ZNF536: variants seen among roughly 807,000 people sequenced by gnomAD.
The protein encoded by ZNF536 is zinc finger protein 536.
Under a neutral mutation model 84.5 loss-of-function variants are expected in ZNF536, and 13 were observed. That is an observed-to-expected ratio of 0.15 (90% CI 0.10 to 0.24). The LOEUF (loss-of-function observed/expected upper bound fraction) is 0.24. Among genes scored for constraint, ZNF536 ranks in the 10% least tolerant of loss-of-function variants. The pLI is 1.00. For missense variants in ZNF536, 1,536 were observed against 1,747.5 expected (o/e 0.88, Z 2.16); for synonymous variants, 811 against 742.5 (o/e 1.09, Z -1.50).
chr19:30,278,848 C>T (rs1469737112), intron 1 of ZNF536, among the ~76,000 whole-genome samples: 4 of 152,290 alleles, frequency 2.6e-5, no homozygotes, highest in African/African-American at 7.2e-5. Context: ...CTTGTCTGCT[C>T]CTTTCGTAGC....
At chr19:30,371,105 C>T (rs1462322892), upstream of ZNF536, among the ~76,000 whole-genome samples, 1 of 152,224 alleles carries the variant, frequency 6.6e-6, no homozygotes, top group African/African-American at 2.4e-5. Context: ...AGAATGCAGG[C>T]AGTGTCTGAA....
intron 1 of ZNF536, among the ~76,000 whole-genome samples, chr19:30,598,256 A>G (rs2047537198): frequency 6.6e-6 from 1 of 152,174 alleles, no homozygotes; most frequent in African/African-American, 2.4e-5. Flanking sequence ...CATCTGTGAG[A>G]GTAGCCTCCC....
At chr19:30,485,485 G>T (rs1352491032) in intron 2 of ZNF536, among the ~76,000 whole-genome samples, 2 of 152,102 alleles carry the variant, frequency 1.3e-5, no homozygotes, top group East Asian at 3.9e-4. Flanking sequence ...TCTCTTTCCT[G>T]TCACTATAGA....
At chr19:30,389,450 C>T (rs1234799610) in intron 1 of ZNF536, among the ~76,000 whole-genome samples, 1 of 152,174 alleles carries the variant, frequency 6.6e-6, no homozygotes, top group Non-Finnish European at 1.5e-5. Context: ...AAGATACATG[C>T]TCCTCACCCA....
At chr19:30,601,912 C>G (rs1183103463) in intron 1 of ZNF536, among the ~76,000 whole-genome samples, 1 of 152,170 alleles carries the variant, frequency 6.6e-6, no homozygotes, top group Non-Finnish European at 1.5e-5. Flanking sequence ...ACTTGCTAGC[C>G]AGGGTGAGAA....
intron 1 of ZNF536, among the ~76,000 whole-genome samples, chr19:30,642,882 A>C (rs1375360032): frequency 6.6e-6 from 1 of 152,096 alleles, no homozygotes; most frequent in Non-Finnish European, 1.5e-5. Context: ...GGGGGGTGAG[A>C]GCCCAGCTCC....
chr19:30,543,326 T>G lies in ZNF536; in HGVS notation c.2324-4617T>G, dbSNP rs542715397. On this transcript the variant is annotated intron_variant, in intron 3 of 4. Coordinates refer to ENST00000355537, the MANE Select transcript of ZNF536 (RefSeq NM_014717.3). ...TAGGACTCTTGACCCCCTGGAAACC[T>G]TGGGAGGCAGCCTGAGTGGTCCCCT... is the stretch of plus-strand genomic sequence containing the variant. Among the ~76,000 whole-genome samples the G allele has an allele frequency of 2.0e-5, 3 of 152,284 alleles. No individual in the cohort carries two copies. In the South Asian group the frequency reaches 6.2e-4, roughly 32 times the overall value.
At chr19:30,305,712 G>A (rs997510720) in intron 2 of ZNF536, among the ~76,000 whole-genome samples, 2 of 152,200 alleles carry the variant, frequency 1.3e-5, no homozygotes, top group African/African-American at 4.8e-5. Context: ...GGGTTTGGGA[G>A]CCCACTGTTC....
rs192949696 is a variant in ZNF536, at chr19:30,570,247, C to G, written c.169+20733C>G. Reference sequence around the variant, plus strand: ...GCATTTGGCGTGCCCCCTGGACACCCTCCCTCCACATCCTGTCACCTTCAG... The same window carrying G: ...GCATTTGGCGTGCCCCCTGGACACCGTCCCTCCACATCCTGTCACCTTCAG... On this transcript the variant is annotated intron_variant, in intron 1 of 1. Coordinates refer to the ZNF536 transcript ENST00000592773. 9.4e-4 allele frequency among the ~76,000 whole-genome samples: 143 copies of G among 152,288 alleles called. 1 individual carries two copies. Among genetic ancestry groups the G allele is most frequent in the African/African-American group, 3.1e-3 (129 of 41,556 alleles).
chr19:30,283,383 T>G (rs1410796695), intron 1 of ZNF536, among the ~76,000 whole-genome samples: 1 of 152,226 alleles, frequency 6.6e-6, no homozygotes, highest in East Asian at 1.9e-4. Context: ...GCTTTCCTTC[T>G]TGTCCTTTAT....
At chr19:30,396,986 C>T (rs1470851735) in intron 1 of ZNF536, among the ~76,000 whole-genome samples, 3 of 152,196 alleles carry the variant, frequency 2.0e-5, no homozygotes, top group African/African-American at 7.2e-5. Flanking sequence ...TCTTACACTC[C>T]AGCTTTTTGC....
At chr19:30,260,223 G>A (rs2025137082) in intron 1 of ZNF536, among the ~76,000 whole-genome samples, 1 of 152,198 alleles carries the variant, frequency 6.6e-6, no homozygotes, top group Non-Finnish European at 1.5e-5. Flanking sequence ...CCATCTCTCC[G>A]TACTGCAACA....
At chr19:30,706,749 A>T (rs2052251089) in intron 1 of ZNF536, among the ~76,000 whole-genome samples, 1 of 152,230 alleles carries the variant, frequency 6.6e-6, no homozygotes, top group Admixed American at 6.5e-5. Flanking sequence ...CTCCATCAAT[A>T]AATTATTGCC....
intron 1 of ZNF536, among the ~76,000 whole-genome samples, chr19:30,274,677 G>A (rs1426991098): frequency 2.0e-5 from 3 of 152,160 alleles, no homozygotes; most frequent in East Asian, 3.9e-4. Context: ...TGTGTGTCAC[G>A]GAGGTTTGGT....
At chr19:30,491,677 T>G (rs537213029) in intron 2 of ZNF536, among the ~76,000 whole-genome samples, 93 of 152,236 alleles carry the variant, frequency 6.1e-4, no homozygotes, top group African/African-American at 2.2e-3. Flanking sequence ...AACAAAAAAT[T>G]CTTTTGAAAT....
intron 1 of ZNF536, among the ~76,000 whole-genome samples, chr19:30,399,602 A>G (rs1220880831): frequency 6.6e-6 from 1 of 151,962 alleles, no homozygotes; most frequent in African/African-American, 2.4e-5. Context: ...ATAAGGTATA[A>G]GGAAGGAGTC....
At chr19:30,490,844 G>T (rs2054479485) in intron 2 of ZNF536, among the ~76,000 whole-genome samples, 1 of 152,210 alleles carries the variant, frequency 6.6e-6, no homozygotes, top group African/African-American at 2.4e-5. Context: ...AAGGGAAAAT[G>T]TAAAAGTTGG....
chr19:30,600,720 C>T (rs1310825907), intron 1 of ZNF536, among the ~76,000 whole-genome samples: 4 of 152,166 alleles, frequency 2.6e-5, no homozygotes, highest in Non-Finnish European at 4.4e-5. Context: ...GTGGTGCAAA[C>T]GTTCAGGCGT....
At chr19:30,488,690 G>T (rs959485162) in intron 2 of ZNF536, among the ~76,000 whole-genome samples, 1 of 152,044 alleles carries the variant, frequency 6.6e-6, no homozygotes, top group African/African-American at 2.4e-5. Flanking sequence ...GGCAGAGGGC[G>T]GGTTGAGGGG....
Sources: allele counts gnomAD v4.1 joint callset (sites outside exome capture counted in the v4.1 genomes callset), GRCh38; gene constraint gnomAD v4.1.1; transcripts MANE v1.5; gene names NCBI Gene and HGNC (gene_info 2026-07-23, HGNC 2026-07-21).